Variants in DLG1 observed in about 807,000 individuals in gnomAD.
DLG1 encodes disks large homolog 1.
In DLG1, 42 loss-of-function variants were observed where a neutral mutation model predicts 123.4. That is an observed-to-expected ratio of 0.34 (90% CI 0.27 to 0.44). The LOEUF is 0.44. Among genes scored for constraint, DLG1 ranks in the 20% least tolerant of loss-of-function variants. DLG1 has a pLI of 1.00. For missense variants in DLG1, 942 were observed against 1,082.6 expected (o/e 0.87, Z 1.82); for synonymous variants, 317 against 356.2 (o/e 0.89, Z 1.24).
chr3:197,198,928 A>C (rs1724101768), intron 4 of DLG1, among the ~76,000 whole-genome samples: 1 of 152,192 alleles, frequency 6.6e-6, no homozygotes, highest in Non-Finnish European at 1.5e-5. Flanking sequence ...GGGAGAAATG[A>C]TGCTAATGGA....
In DLG1 at chr3:197,125,533, T is replaced by G. The variant is rs533696642; in HGVS notation, c.1165+4994A>C. Among the ~76,000 whole-genome samples, 11 of 152,248 alleles carry G rather than the reference T, an allele frequency of 7.2e-5. No individual in the cohort carries two copies. The East Asian group carries it at 1.9e-3, about 27-fold the overall frequency. On this transcript the variant is annotated intron_variant, in intron 11 of 24. Transcript: ENST00000667157. ...CAACAAAATAATAATGTCAAATGACTGAAGGTCAAAATGAGATGGAATTGC... is the reference window on the plus strand; with the variant it reads ...CAACAAAATAATAATGTCAAATGACGGAAGGTCAAAATGAGATGGAATTGC...
At chr3:197,256,440 G>C (rs1024880520) in intron 4 of DLG1, among the ~76,000 whole-genome samples, 3 of 152,228 alleles carry the variant, frequency 2.0e-5, no homozygotes, top group Non-Finnish European at 4.4e-5. Flanking sequence ...ACACACAGTA[G>C]GCACTCAGCG....
At chr3:197,178,583 G>A (rs1344169679) in intron 5 of DLG1, among the ~76,000 whole-genome samples, 4 of 152,162 alleles carry the variant, frequency 2.6e-5, no homozygotes, top group South Asian at 2.1e-4. Flanking sequence ...GACTAGATGC[G>A]ATCACCTGAA....
chr3:197,231,905 A>G (rs984150399), intron 4 of DLG1, among the ~76,000 whole-genome samples: 43 of 152,214 alleles, frequency 2.8e-4, no homozygotes, highest in Non-Finnish European at 7.3e-5. Flanking sequence ...GAAGACAGCC[A>G]ATTAGAAGAA....
chr3:197,074,266 T>C (rs995845718), intron 18 of DLG1, among the ~76,000 whole-genome samples: 2 of 152,146 alleles, frequency 1.3e-5, no homozygotes, highest in African/African-American at 4.8e-5. Flanking sequence ...CACAGAAATC[T>C]ATTATTCAAG....
intron 4 of DLG1, among the ~76,000 whole-genome samples, chr3:197,264,939 C>T (rs1364269958): frequency 6.6e-6 from 1 of 152,056 alleles, no homozygotes; most frequent in Non-Finnish European, 1.5e-5. Flanking sequence ...TGTAACTAAC[C>T]CCTTACTATA....
intron 4 of DLG1, among the ~76,000 whole-genome samples, chr3:197,251,868 A>T (rs1388981471): frequency 4.6e-5 from 7 of 152,234 alleles, no homozygotes; most frequent in Admixed American, 4.6e-4. Flanking sequence ...TAAAATGGGC[A>T]AATGATCTGA....
intron 7 of DLG1, among the ~76,000 whole-genome samples, chr3:197,142,353 G>A (rs1788471607): frequency 6.6e-6 from 1 of 152,024 alleles, no homozygotes; most frequent in Admixed American, 6.6e-5. Context: ...TAAAAAGTAA[G>A]GAAATAGAGA....
rs145658234 is a variant in DLG1, at chr3:197,053,600, C to T, written c.2484-1932G>A. ...CAGCCTGGCCAACATGGTGAAATCCCGTCTCCACTAAGAATACAAAAATTA... is the reference window on the plus strand; with the variant it reads ...CAGCCTGGCCAACATGGTGAAATCCTGTCTCCACTAAGAATACAAAAATTA... On this transcript the variant is annotated intron_variant, in intron 23 of 24. Coordinates refer to ENST00000667157, the MANE Select transcript of DLG1 (RefSeq NM_001366207.1). Among the ~76,000 whole-genome samples the T allele has an allele frequency of 1.9e-3, 285 of 151,356 alleles. 2 individuals carry two copies. Among genetic ancestry groups the T allele is most frequent in the Middle Eastern group, 6.8e-3 (2 of 294 alleles).
chr3:197,254,309 A>G (rs1197683955), intron 4 of DLG1, among the ~76,000 whole-genome samples: 3 of 152,228 alleles, frequency 2.0e-5, no homozygotes, highest in Non-Finnish European at 4.4e-5. Flanking sequence ...GCTAGTGGAA[A>G]GAACCAATGA....
chr3:197,169,870 T>C lies in DLG1; in HGVS notation c.484-20074A>G, dbSNP rs142061359. On this transcript the variant is annotated intron_variant, in intron 5 of 24. Coordinates refer to ENST00000667157, the MANE Select transcript of DLG1 (RefSeq NM_001366207.1). ...TATTTCATCACCCACATATTAAGAA[T>C]AGTACCCATTTAGTTATTTTTCCGG... 3.0e-3 allele frequency among the ~76,000 whole-genome samples: 452 copies of C among 152,272 alleles called. 1 individual carries two copies. Among genetic ancestry groups the C allele is most frequent in the African/African-American group, 0.01 (431 of 41,558 alleles).
At chr3:197,072,864 T>C (rs34099552) in intron 18 of DLG1, among the ~76,000 whole-genome samples, 36,572 of 152,034 alleles carry the variant, frequency 0.24, 5,590 homozygotes, top group East Asian at 0.72. Flanking sequence ...GCCTTGCTAA[T>C]TTTTGTACTT....
At chr3:197,280,150 C>G (rs1332950506) in intron 4 of DLG1, among the ~76,000 whole-genome samples, 1 of 152,162 alleles carries the variant, frequency 6.6e-6, no homozygotes, top group Non-Finnish European at 1.5e-5. Context: ...TCCCACCCTT[C>G]CCAGTCTCTG....
Position 197,044,872 on chromosome 3 carries a change from G to GA in DLG1, c.2576-144dup, listed in dbSNP as rs534381676. ...CACCATTTACACACTGTTCACTTAG[G>GA]AAAAAAGGCTCACTTCATTAATTTT... On this transcript the variant is annotated intron_variant, in intron 24 of 24. Transcript: ENST00000667157. 6.4e-4 allele frequency: 265 copies of GA among 415,928 alleles called. 1 individual carries two copies. The highest frequency in any genetic ancestry group is 5.1e-3 in the African/African-American group (249 of 48,828). 25.8% of individuals were successfully genotyped at this position (415,928 alleles called of 1,614,324 possible).
intron 13 of DLG1, among the ~76,000 whole-genome samples, chr3:197,113,488 C>A (rs1771266932): frequency 6.6e-6 from 1 of 152,096 alleles, no homozygotes; most frequent in African/African-American, 2.4e-5. Context: ...ATCTTTCTCG[C>A]TGCTTTTATA....
At chr3:197,190,273 C>G (rs1718551111) in intron 5 of DLG1, among the ~76,000 whole-genome samples, 1 of 152,028 alleles carries the variant, frequency 6.6e-6, no homozygotes, top group Admixed American at 6.5e-5. Flanking sequence ...ACACAGATAG[C>G]ACAGTAGTGC....
chr3:197,104,366 G>C (rs1314176099), intron 14 of DLG1, among the ~76,000 whole-genome samples: 1 of 152,132 alleles, frequency 6.6e-6, no homozygotes, highest in Non-Finnish European at 1.5e-5. Context: ...TAAGCTTGTG[G>C]ATGCCAGTTC....
chr3:197,297,944 G>A (rs1030356534), intron 1 of DLG1: 7 of 982,424 alleles, frequency 7.1e-6, no homozygotes, highest in Admixed American at 6.2e-5. Flanking sequence ...GGACGGGGGA[G>A]GAGCTCCCCT....
In DLG1 at chr3:197,184,094, G is replaced by A. The variant is rs1714286710; in HGVS notation, c.483+10331C>T. 19 of 1,177,288 alleles carry A rather than the reference G, an allele frequency of 1.6e-5. No individual in the cohort carries two copies. The East Asian group carries it at 2.0e-4, about 12-fold the overall frequency. 72.9% of individuals were successfully genotyped at this position (1,177,288 alleles called of 1,614,324 possible). A position where few individuals can be genotyped will look rare whatever the true frequency, so the allele number is the denominator to read the frequency against. On this transcript the variant is annotated intron_variant, in intron 5 of 24. Coordinates refer to ENST00000667157, the MANE Select transcript of DLG1 (RefSeq NM_001366207.1). ...TTCTCATGATTATTTTTTCACCAGCGTCTGCAGGAACCAAAAGCTGTTCTT... is the reference window on the plus strand; with the variant it reads ...TTCTCATGATTATTTTTTCACCAGCATCTGCAGGAACCAAAAGCTGTTCTT...
Sources: allele counts gnomAD v4.1 joint callset (sites outside exome capture counted in the v4.1 genomes callset), GRCh38; gene constraint gnomAD v4.1.1; transcripts MANE v1.5; gene names NCBI Gene and HGNC (gene_info 2026-07-23, HGNC 2026-07-21).